SCAF4: variants seen among roughly 807,000 people sequenced by gnomAD.
The protein encoded by SCAF4 is SR-related and CTD-associated factor 4.
A neutral mutation model predicts 129.8 loss-of-function variants in SCAF4; 25 were observed. That is an observed-to-expected ratio of 0.19 (90% CI 0.14 to 0.27). The LOEUF (loss-of-function observed/expected upper bound fraction) is 0.27, where lower values mean the gene tolerates loss of function less well. SCAF4 is among the 10% of genes least tolerant of loss of function. The pLI, the probability that SCAF4 is intolerant of heterozygous loss-of-function variation, is 1.00. For synonymous variants in SCAF4, 551 were observed against 497.7 expected (o/e 1.11, Z -1.43); for missense variants, 1,246 against 1,457.1 (o/e 0.86, Z 2.36).
intron 1 of SCAF4, among the ~76,000 whole-genome samples, chr21:31,727,863 T>A (rs1430212688): frequency 6.6e-6 from 1 of 152,188 alleles, no homozygotes; most frequent in African/African-American, 2.4e-5. Context: ...CAGAAGTATA[T>A]AAACTATACA....
At position 31,671,172 on chromosome 21, in the gene SCAF4, CTT is replaced by C. The variant is rs1289958355; in HGVS notation, c.*225_*226del. 3 of 357,896 alleles carry C rather than the reference CTT, an allele frequency of 8.4e-6. No homozygotes were observed. The highest frequency in any genetic ancestry group is 7.8e-4 in the Middle Eastern group (1 of 1,282). 22.2% of individuals were successfully genotyped at this position (357,896 alleles called of 1,614,324 possible). The stretch of plus-strand genomic sequence containing the variant: ...ATTTGTAAACTTTTTAAAGTCAAAA[CTT>C]TTAAAAAGTTACAGCAAAAAGGGTA... On this transcript the variant is annotated 3_prime_UTR_variant, in exon 20 of 20. Transcript: ENST00000286835.
At chr21:31,714,890 T>C (rs921456803) in intron 1 of SCAF4, among the ~76,000 whole-genome samples, 18 of 152,206 alleles carry the variant, frequency 1.2e-4, no homozygotes, top group Non-Finnish European at 1.5e-5. Flanking sequence ...TAACTAGTAT[T>C]TCCTCTCTGT....
chr21:31,717,900 T>TACACACAC (rs1227041267), intron 1 of SCAF4, among the ~76,000 whole-genome samples: 1 of 78,592 alleles, frequency 1.3e-5, no homozygotes, highest in African/African-American at 4.5e-5. Context: ...TATATACACA[T>TACACACAC]ATATACACAC....
chr21:31,712,702 T>C (rs746714147), intron 1 of SCAF4, among the ~76,000 whole-genome samples: 2 of 151,800 alleles, frequency 1.3e-5, no homozygotes, highest in Non-Finnish European at 2.9e-5. Flanking sequence ...CTAATGTTTG[T>C]ATTTTTAGTA....
At chr21:31,701,311 A>G in intron 6 of SCAF4, 140 bp from the exon 7 acceptor site, 1 of 643,580 alleles carries the variant, frequency 1.6e-6, no homozygotes, top group Non-Finnish European at 2.4e-6. Context: ...CCTTTTATGA[A>G]TGGTTAAATT....
At chr21:31,692,675 GT>G (rs1004322328) in intron 12 of SCAF4, among the ~76,000 whole-genome samples, 1 of 152,126 alleles carries the variant, frequency 6.6e-6, no homozygotes, top group Admixed American at 6.5e-5. Flanking sequence ...GAAAAAACTG[GT>G]TTTTTTGTAG....
chr21:31,675,490 G>C (rs2049830164), intron 19 of SCAF4, among the ~76,000 whole-genome samples: 1 of 152,152 alleles, frequency 6.6e-6, no homozygotes, highest in South Asian at 2.1e-4. Context: ...GGACAGGAAG[G>C]ACAGGGTGTA....
chr21:31,685,234 ATAG>A lies in SCAF4; in HGVS notation c.2300_2302del (p.Thr767del). ...TGTAGTGTCTTCATTTATACCAGCG[ATAG>A]TAGCTAAGGAATATAATTATATCAA... On this transcript the variant is annotated inframe_deletion, in exon 19 of 20. Coordinates refer to ENST00000286835, the MANE Select transcript of SCAF4 (RefSeq NM_020706.2). 3 of 1,596,154 alleles carry A rather than the reference ATAG, an allele frequency of 1.9e-6. No individual in the cohort carries two copies. Among genetic ancestry groups the A allele is most frequent in the Non-Finnish European group, 1.7e-6 (2 of 1,164,878 alleles).
chr21:31,707,229 T>C (rs888226651), intron 1 of SCAF4, among the ~76,000 whole-genome samples: 7 of 152,166 alleles, frequency 4.6e-5, no homozygotes, highest in Non-Finnish European at 1.0e-4. Flanking sequence ...GGCGCACACC[T>C]GTAATCCCAG....
At chr21:31,717,888 C>CAT (rs1175779790) in intron 1 of SCAF4, among the ~76,000 whole-genome samples, 2,795 of 114,458 alleles carry the variant, frequency 0.024, 111 homozygotes, top group African/African-American at 0.09. Flanking sequence ...CATATATACA[C>CAT]ATATATACAC....
Position 31,671,855 on chromosome 21 carries a change from G to A in SCAF4, c.2988C>T (p.Asp996=), listed in dbSNP as rs773481845. The A allele has an allele frequency of 7.4e-6, 12 of 1,613,958 alleles. No individual in the cohort carries two copies. In the South Asian group the frequency reaches 1.2e-4, roughly 16 times the overall value. ...AAGATCTTCTTCCAAACCTTTCTTG[G>A]TCTCTACCTGAATTGAACTGCTGCC... ...DNRQQFNSGR[D]QERFGRRSFG... Residue 996 remains aspartate, a synonymous_variant, in exon 20 of 20, where the codon GAC becomes GAT. Transcript: ENST00000286835.
rs1568848921 is a variant in SCAF4, at chr21:31,703,752, AAATT to A, written c.321+9_321+12del. The A allele has an allele frequency of 7.3e-7, 1 of 1,367,682 alleles. No individual in the cohort carries two copies. Among genetic ancestry groups the A allele is most frequent in the Non-Finnish European group, 1.0e-6 (1 of 986,618 alleles). 84.7% of individuals were successfully genotyped at this position (1,367,682 alleles called of 1,614,324 possible). A position where few individuals can be genotyped will look rare whatever the true frequency, so the allele number is the denominator to read the frequency against. On this transcript the variant is annotated intron_variant, in intron 4 of 19. Coordinates refer to ENST00000286835, the MANE Select transcript of SCAF4 (RefSeq NM_020706.2). ...TTAAAGAATACAAGTTTTAGTTTAA[AAATT>A]AATTATACCTTATCTTCAGATGGAC...
chr21:31,715,617 T>C (rs1034434349), intron 1 of SCAF4, among the ~76,000 whole-genome samples: 1 of 152,210 alleles, frequency 6.6e-6, no homozygotes, highest in Non-Finnish European at 1.5e-5. Flanking sequence ...TCAACCTATT[T>C]AGCAAGTCTA....
At chr21:31,717,739 A>C (rs1475892859) in intron 1 of SCAF4, among the ~76,000 whole-genome samples, 1 of 150,850 alleles carries the variant, frequency 6.6e-6, no homozygotes, top group Non-Finnish European at 1.5e-5. Context: ...CCCTCCCCCC[A>C]CAAATCCTTA....
rs1208874773 is a variant in SCAF4 at position 31,672,272 on chromosome 21, G to A, written c.2571C>T (p.Ile857=). 1 of 1,614,008 alleles carries A rather than the reference G, an allele frequency of 6.2e-7. No individual in the cohort carries two copies. Among genetic ancestry groups the A allele is most frequent in the Non-Finnish European group, 8.5e-7 (1 of 1,179,984 alleles). ...TGLLGARPGL[I]PLQRPPGMPP... is the part of the protein sequence containing the mutation. ...GCATTCCTGGAGGGCGCTGGAGTGG[G>A]ATGAGACCGGGCCGGGCGCCAAGAA... The change falls in exon 20 of 20, where the codon ATC becomes ATT. Residue 857 remains isoleucine, a synonymous_variant. Coordinates refer to ENST00000286835, the MANE Select transcript of SCAF4 (RefSeq NM_020706.2).
chr21:31,686,595 A>G (rs1371758659), intron 16 of SCAF4, among the ~76,000 whole-genome samples: 1 of 147,604 alleles, frequency 6.8e-6, no homozygotes, highest in Non-Finnish European at 1.5e-5. Flanking sequence ...AACGTTAGCT[A>G]TTTTTTTTTT....
chr21:31,721,788 A>G (rs1445749716), intron 1 of SCAF4, among the ~76,000 whole-genome samples: 3 of 144,434 alleles, frequency 2.1e-5, no homozygotes, highest in African/African-American at 7.8e-5. Flanking sequence ...GTGCACAGGC[A>G]CAATCTCGGC....
At position 31,701,849 on chromosome 21, in the gene SCAF4, G is replaced by C; in HGVS notation, c.527C>G (p.Ala176Gly). 1 of 1,614,116 alleles carries C rather than the reference G, an allele frequency of 6.2e-7. No individual in the cohort carries two copies. The highest frequency in any genetic ancestry group is 8.5e-7 in the Non-Finnish European group (1 of 1,180,002). Residue 176 changes from alanine (A) to glycine (G), a missense_variant, in exon 6 of 20, where the codon GCT becomes GGT. Physicochemically the swap from Ala to Gly is moderately conservative, Grantham distance 60. This residue lies in a region of SCAF4 where 143 missense variants were observed against 161.0 expected (regional missense o/e 0.89). Transcript: ENST00000286835. ...PTQATPNSVP[A>G]VPQLPSSDAF... Reference sequence around the variant, plus strand: ...ATCAGAGCTGGGCAACTGTGGTACAGCTGGGACGGAGTTTGGAGTGGCTTG... The same window carrying C: ...ATCAGAGCTGGGCAACTGTGGTACACCTGGGACGGAGTTTGGAGTGGCTTG...
At chr21:31,708,005 CA>C (rs2050708050) in intron 1 of SCAF4, among the ~76,000 whole-genome samples, 1 of 152,146 alleles carries the variant, frequency 6.6e-6, no homozygotes, top group African/African-American at 2.4e-5. Flanking sequence ...AATACGGCTG[CA>C]ATTCTTCATT....
Sources: allele counts gnomAD v4.1 joint callset (sites outside exome capture counted in the v4.1 genomes callset), GRCh38; gene constraint gnomAD v4.1.1; regional missense constraint gnomAD v4.1.1; transcripts MANE v1.5; gene names NCBI Gene and HGNC (gene_info 2026-07-23, HGNC 2026-07-21).